Variants in MAPKAP1 observed in about 807,000 individuals in gnomAD.
MAPKAP1 encodes the protein MAPK associated protein 1, also known as target of rapamycin complex 2 subunit MAPKAP1.
Under a neutral mutation model 65.7 loss-of-function variants are expected in MAPKAP1, and 20 were observed. That is an observed-to-expected ratio of 0.30 (90% CI 0.21 to 0.44). MAPKAP1 has a LOEUF of 0.44. Ranked by LOEUF, MAPKAP1 falls within the 20% of genes least tolerant of loss-of-function variation. The pLI is 1.00. For synonymous variants in MAPKAP1, 222 were observed against 244.3 expected (o/e 0.91, Z 0.85); for missense variants, 423 against 648.0 (o/e 0.65, Z 3.77).
chr9:125,559,886 C>A, intron 5 of MAPKAP1, 77 bp from the exon 6 acceptor site: 2 of 1,419,752 alleles, frequency 1.4e-6, no homozygotes, highest in Non-Finnish European at 1.9e-6. Flanking sequence ...TGGTGCACAG[C>A]AAGCAAATTG....
At chr9:125,665,331 A>G (rs1403679595) in intron 3 of MAPKAP1, among the ~76,000 whole-genome samples, 1 of 152,196 alleles carries the variant, frequency 6.6e-6, no homozygotes, top group African/African-American at 2.4e-5. Flanking sequence ...CAAACAAAAA[A>G]GAAATAAATA....
chr9:125,572,797 T>G (rs1199805698), intron 5 of MAPKAP1: 5 of 152,246 alleles, frequency 3.3e-5, no homozygotes, highest in Non-Finnish European at 7.3e-5. Context: ...TATTTTGCTT[T>G]ACTCTTGTGG....
At chr9:125,576,694 T>C (rs1309016920) in intron 5 of MAPKAP1, among the ~76,000 whole-genome samples, 2 of 152,216 alleles carry the variant, frequency 1.3e-5, no homozygotes, top group African/African-American at 2.4e-5. Context: ...GGTTTTTGTA[T>C]TTTTTTGGTG....
chr9:125,538,646 A>G (rs1421301558), intron 7 of MAPKAP1, among the ~76,000 whole-genome samples: 1 of 151,994 alleles, frequency 6.6e-6, no homozygotes, highest in African/African-American at 2.4e-5. Context: ...TCCCTGCCCT[A>G]CTCCTAAACT....
intron 7 of MAPKAP1, among the ~76,000 whole-genome samples, chr9:125,516,533 C>T (rs1333034463): frequency 6.6e-6 from 1 of 152,162 alleles, no homozygotes; most frequent in Non-Finnish European, 1.5e-5. Context: ...CCTTGGAGTT[C>T]CAAGGCCACA....
chr9:125,498,539 T>C (rs1371536916), intron 8 of MAPKAP1, among the ~76,000 whole-genome samples: 1 of 152,158 alleles, frequency 6.6e-6, no homozygotes, highest in African/African-American at 2.4e-5. Context: ...AAAAACACCC[T>C]TTTCTGCAGG....
intron 4 of MAPKAP1, among the ~76,000 whole-genome samples, chr9:125,615,184 G>A (rs1444052191): frequency 3.9e-5 from 6 of 151,976 alleles, no homozygotes; most frequent in Non-Finnish European, 7.4e-5. Context: ...AGGTATATGT[G>A]AATCAATCTA....
chr9:125,655,177 T>C (rs891693991), intron 4 of MAPKAP1, among the ~76,000 whole-genome samples: 3 of 152,232 alleles, frequency 2.0e-5, no homozygotes, highest in African/African-American at 7.2e-5. Context: ...AAGCATGGTG[T>C]TCCAATGACA....
At chr9:125,441,019 T>G (rs541549092) in intron 11 of MAPKAP1, among the ~76,000 whole-genome samples, 1 of 152,338 alleles carries the variant, frequency 6.6e-6, no homozygotes, top group South Asian at 2.1e-4. Flanking sequence ...AATGGAAGAT[T>G]AATGTAATAA....
At chr9:125,442,803 C>T (rs1852546396) in intron 11 of MAPKAP1, among the ~76,000 whole-genome samples, 1 of 152,216 alleles carries the variant, frequency 6.6e-6, no homozygotes, top group African/African-American at 2.4e-5. Context: ...CTTCCAGCTG[C>T]TCTTTTAAAT....
At chr9:125,497,298 T>C (rs1429897268) in intron 8 of MAPKAP1, among the ~76,000 whole-genome samples, 1 of 152,208 alleles carries the variant, frequency 6.6e-6, no homozygotes, top group Non-Finnish European at 1.5e-5. Context: ...AACTTAAACA[T>C]TCTGTGAATC....
chr9:125,672,696 G>C, intron 1 of MAPKAP1, 53 bp from the exon 2 acceptor site: 1 of 1,151,900 alleles, frequency 8.7e-7, no homozygotes, highest in Non-Finnish European at 1.2e-6. Context: ...GAAAATGACT[G>C]AATCATTTTT....
chr9:125,693,792 T>TACACACATATATATAC (rs2131857125), intron 1 of MAPKAP1, among the ~76,000 whole-genome samples: 1 of 146,056 alleles, frequency 6.8e-6, no homozygotes, highest in Admixed American at 6.8e-5. Context: ...CGTATATATA[T>TACACACATATATATAC]ACACACATAT....
intron 7 of MAPKAP1, among the ~76,000 whole-genome samples, chr9:125,522,982 T>C (rs1031250635): frequency 6.6e-6 from 1 of 152,178 alleles, no homozygotes; most frequent in African/African-American, 2.4e-5. Flanking sequence ...TTATCTTCTC[T>C]CCTTCTGACC....
chr9:125,541,881 T>C (rs1308041802), intron 7 of MAPKAP1, among the ~76,000 whole-genome samples: 3 of 152,224 alleles, frequency 2.0e-5, no homozygotes, highest in Non-Finnish European at 4.4e-5. Context: ...CGGCCAGTGA[T>C]GGGCATCCAG....
At chr9:125,659,420 T>C (rs1354106649) in intron 3 of MAPKAP1, among the ~76,000 whole-genome samples, 1 of 152,118 alleles carries the variant, frequency 6.6e-6, no homozygotes, top group African/African-American at 2.4e-5. Flanking sequence ...CTCAGACCTC[T>C]CTCCTCAACC....
Position 125,595,022 on chromosome 9 carries a change from A to C in MAPKAP1, c.499-9295T>G, listed in dbSNP as rs1378814432. 6.6e-6 allele frequency among the ~76,000 whole-genome samples: 1 copy of C among 152,260 alleles called. No homozygotes were observed. Among genetic ancestry groups the C allele is most frequent in the Non-Finnish European group, 1.5e-5 (1 of 68,040 alleles). ...TGGAATAAATGATTAATATTCTTTT[A>C]ACACATGATTTAAACACTTGCATTA... On this transcript the variant is annotated intron_variant, in intron 4 of 11. Transcript: ENST00000265960. The surrounding 1 kb of genome is among the most constrained non-coding windows in gnomAD (Gnocchi z 4.0).
At chr9:125,518,416 T>C (rs1829526708) in intron 7 of MAPKAP1, among the ~76,000 whole-genome samples, 1 of 151,296 alleles carries the variant, frequency 6.6e-6, no homozygotes, top group African/African-American at 2.4e-5. Flanking sequence ...CCACATTACA[T>C]CTGTAATCCC....
chr9:125,549,133 T>A (rs1358964556), intron 6 of MAPKAP1, among the ~76,000 whole-genome samples: 1 of 152,222 alleles, frequency 6.6e-6, no homozygotes, highest in African/African-American at 2.4e-5. Flanking sequence ...AAATTCAGCT[T>A]GACTATGAAT....
Sources: allele counts gnomAD v4.1 joint callset (sites outside exome capture counted in the v4.1 genomes callset), GRCh38; gene constraint gnomAD v4.1.1; non-coding constraint Gnocchi (gnomAD v3.1); transcripts MANE v1.5; gene names NCBI Gene and HGNC (gene_info 2026-07-23, HGNC 2026-07-21).